The following PTPRD variants were observed in gnomAD, a reference collection of about 807,000 sequenced individuals.
PTPRD encodes the protein protein tyrosine phosphatase receptor type D.
Under a neutral mutation model 214.5 loss-of-function variants are expected in PTPRD, and 34 were observed. The ratio of observed to expected loss-of-function variants is 0.16; its 90% CI spans 0.12 to 0.21. The LOEUF (loss-of-function observed/expected upper bound fraction) is 0.21. Among genes scored for constraint, PTPRD ranks in the 10% least tolerant of loss-of-function variants. The pLI is 1.00. For synonymous variants in PTPRD, 1,128 were observed against 845.7 expected (o/e 1.33, Z -5.79); for missense variants, 2,545 against 2,398.7 (o/e 1.06, Z -1.27).
chr9:9,881,070 C>A (rs1430936422), intron 5 of PTPRD, among the ~76,000 whole-genome samples: 1 of 151,960 alleles, frequency 6.6e-6, no homozygotes, highest in Non-Finnish European at 1.5e-5. Context: ...GTCTCATTAG[C>A]CATTTTGGAA....
chr9:9,432,030 T>C (rs1009328512), intron 8 of PTPRD, among the ~76,000 whole-genome samples: 2 of 145,664 alleles, frequency 1.4e-5, no homozygotes, highest in African/African-American at 5.1e-5. Context: ...TGTGTACATG[T>C]ACCCTAGAAC....
At position 9,863,410 on chromosome 9, in the gene PTPRD, A is replaced by C. The variant is rs115678502; in HGVS notation, c.-368+75097T>G. ...TAAAATCAAGAATGTAAGAGTGAGC[A>C]TGTTTGGGGGCAAGGAGGGTATAGT... On this transcript the variant is annotated intron_variant, in intron 5 of 45. Transcript: ENST00000381196. Among the ~76,000 whole-genome samples, 1,075 of 152,308 alleles carry C rather than the reference A, an allele frequency of 7.1e-3. 12 individuals carry two copies. Among genetic ancestry groups the C allele is most frequent in the African/African-American group, 0.024 (1,016 of 41,562 alleles).
intron 10 of PTPRD, among the ~76,000 whole-genome samples, chr9:9,037,100 G>A (rs2099624375): frequency 6.6e-6 from 1 of 152,138 alleles, no homozygotes; most frequent in African/African-American, 2.4e-5. Context: ...ATAACAGGAA[G>A]TAACTCACTC....
chr9:9,407,190 C>T (rs1184543471), intron 8 of PTPRD, among the ~76,000 whole-genome samples: 3 of 151,676 alleles, frequency 2.0e-5, no homozygotes, highest in African/African-American at 7.3e-5. Context: ...CACCTAAAAG[C>T]ATGTCTGTTT....
chr9:9,048,972 A>G (rs1246942037), intron 10 of PTPRD, among the ~76,000 whole-genome samples: 1 of 152,178 alleles, frequency 6.6e-6, no homozygotes, highest in Non-Finnish European at 1.5e-5. Flanking sequence ...AAGTTAACAA[A>G]ATTTTAAAGT....
chr9:9,839,238 A>G (rs977603215), intron 5 of PTPRD, among the ~76,000 whole-genome samples: 1 of 152,120 alleles, frequency 6.6e-6, no homozygotes, highest in African/African-American at 2.4e-5. Context: ...AGGGTATTCA[A>G]TTAGGAAAAG....
chr9:10,401,119 C>T (rs1169429226), intron 2 of PTPRD, among the ~76,000 whole-genome samples: 1 of 151,640 alleles, frequency 6.6e-6, no homozygotes, highest in Admixed American at 6.6e-5. Context: ...AGGTACCTTA[C>T]TCTACATACC....
chr9:9,998,412 GTC>G (rs1234241989), intron 4 of PTPRD, among the ~76,000 whole-genome samples: 3 of 151,874 alleles, frequency 2.0e-5, no homozygotes, highest in Admixed American at 6.6e-5. Flanking sequence ...ACTACAGCCA[GTC>G]TCTCTTTTCT....
chr9:10,388,413 G>A (rs904956259), intron 2 of PTPRD, among the ~76,000 whole-genome samples: 6 of 150,312 alleles, frequency 4.0e-5, no homozygotes, highest in Non-Finnish European at 7.4e-5. Flanking sequence ...GTCAACTCAA[G>A]GAGAGGCTTG....
At chr9:8,622,821 A>G (rs2095863302) in intron 14 of PTPRD, among the ~76,000 whole-genome samples, 1 of 151,966 alleles carries the variant, frequency 6.6e-6, no homozygotes, top group South Asian at 2.1e-4. Flanking sequence ...ACTTTTTCCT[A>G]AAACTTGTCA....
At chr9:8,912,954 C>A (rs2098758072) in intron 11 of PTPRD, among the ~76,000 whole-genome samples, 1 of 152,112 alleles carries the variant, frequency 6.6e-6, no homozygotes, top group African/African-American at 2.4e-5. Context: ...TAAAAAACTA[C>A]ACAAATGTTA....
chr9:9,917,201 G>C (rs2081111147), intron 5 of PTPRD, among the ~76,000 whole-genome samples: 2 of 137,858 alleles, frequency 1.5e-5, no homozygotes, highest in Non-Finnish European at 1.6e-5. Flanking sequence ...TAAAGATCAA[G>C]CAGAAGTAAA....
intron 5 of PTPRD, among the ~76,000 whole-genome samples, chr9:9,814,365 T>C (rs1221266093): frequency 6.7e-6 from 1 of 148,286 alleles, no homozygotes; most frequent in African/African-American, 2.5e-5. Flanking sequence ...TGTTTGAAAA[T>C]GACTTCATTT....
At chr9:10,109,152 G>C (rs1161538880) in intron 3 of PTPRD, among the ~76,000 whole-genome samples, 1 of 152,126 alleles carries the variant, frequency 6.6e-6, no homozygotes, top group East Asian at 1.9e-4. Context: ...AATCTAAACA[G>C]GAGGCTAAAA....
intron 10 of PTPRD, among the ~76,000 whole-genome samples, chr9:9,043,418 T>C (rs2099651046): frequency 6.6e-6 from 1 of 152,188 alleles, no homozygotes; most frequent in Non-Finnish European, 1.5e-5. Flanking sequence ...AATATTTGTC[T>C]AGTATTTCAT....
intron 2 of PTPRD, among the ~76,000 whole-genome samples, chr9:10,447,884 A>G (rs1012257274): frequency 1.3e-5 from 2 of 152,064 alleles, no homozygotes; most frequent in Non-Finnish European, 2.9e-5. Context: ...ATTCACATTA[A>G]CAGAGAAACT....
At chr9:9,201,393 AG>A (rs1182898512) in intron 9 of PTPRD, among the ~76,000 whole-genome samples, 1 of 152,198 alleles carries the variant, frequency 6.6e-6, no homozygotes, top group Non-Finnish European at 1.5e-5. Context: ...TATTTGGCAA[AG>A]GTGAGTGCAG....
chr9:9,435,011 A>G (rs2084668476), intron 8 of PTPRD, among the ~76,000 whole-genome samples: 1 of 151,824 alleles, frequency 6.6e-6, no homozygotes, highest in African/African-American at 2.4e-5. Context: ...AAAGACAAAG[A>G]GTATTTAAGA....
intron 3 of PTPRD, among the ~76,000 whole-genome samples, chr9:10,280,410 G>C (rs1196845822): frequency 6.6e-6 from 1 of 151,366 alleles, no homozygotes; most frequent in East Asian, 1.9e-4. Context: ...TATATTCTAA[G>C]ATGCCTAAAA....
Sources: gnomAD v4.1 joint callset for allele counts (sites outside exome capture counted in the v4.1 genomes callset) on GRCh38, gnomAD v4.1.1 for gene constraint, MANE v1.5 for transcripts, NCBI Gene and HGNC (gene_info 2026-07-23, HGNC 2026-07-21) for gene names.